PCDHGB5: variants seen among roughly 807,000 people sequenced by gnomAD.
The protein encoded by PCDHGB5 is protocadherin gamma-B5.
A neutral mutation model predicts 62.9 loss-of-function variants in PCDHGB5; 48 were observed. The ratio of observed to expected loss-of-function variants is 0.76; its 90% confidence interval spans 0.61 to 0.97. The LOEUF is 0.97. Among genes scored for constraint, PCDHGB5 ranks in the 50% least tolerant of loss-of-function variants. The probability of loss-of-function intolerance (pLI) is 0.00; values close to 1 mark genes in which losing one functional copy is unlikely to be tolerated. For missense variants in PCDHGB5, 1,118 were observed against 1,198.6 expected (o/e 0.93, Z 0.99); for synonymous variants, 474 against 511.2 (o/e 0.93, Z 0.98).
At position 141,512,630 on chromosome 5, in the gene PCDHGB5, G is replaced by C. The variant is rs1335322474; in HGVS notation, c.*1457G>C. On this transcript the variant is annotated 3_prime_UTR_variant, in exon 4 of 4. Transcript: ENST00000617380. ...GGGGCTGCCAGAGAACCCCAGACCT[G>C]CCCTTACAGTAGTGTAGCGCCCCCT... The C allele has an allele frequency of 6.5e-6, 1 of 152,888 alleles. No individual in the cohort carries two copies. Among genetic ancestry groups the C allele is most frequent in the Non-Finnish European group, 1.5e-5 (1 of 68,576 alleles). 9.5% of individuals were successfully genotyped at this position (152,888 alleles called of 1,614,324 possible).
chr5:141,413,839 G>T (rs971599906), intron 1 of PCDHGB5: 1 of 1,613,310 alleles, frequency 6.2e-7, no homozygotes, highest in African/African-American at 1.3e-5. Flanking sequence ...CTCCGACGGG[G>T]GTGACCCTCT....
chr5:141,474,961 A>G (rs1395755491), intron 1 of PCDHGB5, among the ~76,000 whole-genome samples: 1 of 152,254 alleles, frequency 6.6e-6, no homozygotes, highest in South Asian at 2.1e-4. Flanking sequence ...TCACTATCCT[A>G]ATCATTATAA....
intron 1 of PCDHGB5, chr5:141,415,791 C>CTTT: frequency 1.5e-6 from 2 of 1,341,938 alleles, no homozygotes; most frequent in Non-Finnish European, 1.9e-6. Flanking sequence ...GTAAAATTCA[C>CTTT]CTAGTCTCAA....
chr5:141,430,258 A>T (rs542653323), intron 1 of PCDHGB5, among the ~76,000 whole-genome samples: 1 of 147,968 alleles, frequency 6.8e-6, no homozygotes, highest in Non-Finnish European at 1.5e-5. Flanking sequence ...AGACATCTCC[A>T]TAATAGGTGT....
rs1022516458 is a variant in PCDHGB5, at chr5:141,476,612, A to G, written c.2398-18195A>G. The G allele has an allele frequency of 1.2e-6, 2 of 1,614,236 alleles. No individual in the cohort carries two copies. The highest frequency in any genetic ancestry group is 2.2e-5 in the South Asian group (2 of 91,080). ...GAGCGCGCACGATCCCGATGTGGGA[A>G]GCAACTCTTTACAAACCTATGAGCT... On this transcript the variant is annotated intron_variant, in intron 1 of 3. Transcript: ENST00000617380. The surrounding 1 kb of genome is among the most constrained non-coding windows in gnomAD (Gnocchi z 7.6).
chr5:141,427,703 C>A (rs529490424), intron 1 of PCDHGB5: 2 of 957,514 alleles, frequency 2.1e-6, no homozygotes, highest in African/African-American at 1.6e-5. Flanking sequence ...CACAAGTCAG[C>A]GCCTCTGACC....
At chr5:141,450,006 CTTT>C (rs1554136305) in intron 1 of PCDHGB5, among the ~76,000 whole-genome samples, 9 of 132,974 alleles carry the variant, frequency 6.8e-5, no homozygotes, top group Admixed American at 7.8e-5. Context: ...TGCCATGTCT[CTTT>C]TTTTTTTTTT....
At position 141,400,146 on chromosome 5, in the gene PCDHGB5, C is replaced by A. The variant is rs1444566578; in HGVS notation, c.2019C>A (p.Asp673Glu). ...SLQEVLPDIT[D>E]RPVPSDPQAE... ...AGGAGGTGCTGCCGGATATCACTGACCGCCCTGTACCCTCTGACCCCCAGG... is the reference window on the plus strand; with the variant it reads ...AGGAGGTGCTGCCGGATATCACTGAACGCCCTGTACCCTCTGACCCCCAGG... The change falls in exon 1 of 4, where the codon GAC becomes GAA. Residue 673 changes from aspartate (D) to glutamate (E), a missense_variant. Physicochemically the swap from Asp to Glu is conservative, Grantham distance 45. This residue lies in a region of PCDHGB5 where 1,034 missense variants were observed against 1,029.1 expected (regional missense o/e 1.00). Transcript: ENST00000617380. 1 of 1,614,080 alleles carries A rather than the reference C, an allele frequency of 6.2e-7. No individual in the cohort carries two copies. The highest frequency in any genetic ancestry group is 1.1e-5 in the South Asian group (1 of 91,092).
At position 141,432,778 on chromosome 5, in the gene PCDHGB5, G is replaced by T; in HGVS notation, c.2397+32254G>T. The T allele has an allele frequency of 3.7e-6, 6 of 1,614,166 alleles. No individual in the cohort carries two copies. Among genetic ancestry groups the T allele is most frequent in the Non-Finnish European group, 5.1e-6 (6 of 1,180,002 alleles). ...CCGACAGCATCCCCCAAGTCCTGGCGGACCTCGGCAGCCTCGAGTCTCCAG... is the reference window on the plus strand; with the variant it reads ...CCGACAGCATCCCCCAAGTCCTGGCTGACCTCGGCAGCCTCGAGTCTCCAG... On this transcript the variant is annotated intron_variant, in intron 1 of 3. Transcript: ENST00000617380. The surrounding 1 kb of genome is among the most constrained non-coding windows in gnomAD (Gnocchi z 6.0).
At chr5:141,504,236 C>A (rs1011850372) in intron 2 of PCDHGB5, among the ~76,000 whole-genome samples, 2 of 152,194 alleles carry the variant, frequency 1.3e-5, no homozygotes, top group African/African-American at 4.8e-5. Flanking sequence ...TTCTAAGAAG[C>A]AGAGAGTTCT....
Position 141,427,844 on chromosome 5 carries a change from C to A in PCDHGB5, c.2397+27320C>A, listed in dbSNP as rs997069058. 6.5e-6 allele frequency: 10 copies of A among 1,550,194 alleles called. No homozygotes were observed. In the East Asian group the frequency reaches 2.2e-4, roughly 35 times the overall value. On this transcript the variant is annotated intron_variant, in intron 1 of 3. Transcript: ENST00000617380. ...TGGTCGCGCAGCGTGCCTTCGACCA[C>A]GAGCAGCTGTGCGCCTTCGAGCTCA...
rs1562157859 is a variant in PCDHGB5 at position 141,493,022 on chromosome 5, G to GTGCC, written c.2398-1784_2398-1781dup. Among the ~76,000 whole-genome samples, 2 of 152,222 alleles carry GTGCC rather than the reference G, an allele frequency of 1.3e-5. No homozygotes were observed. Among genetic ancestry groups the GTGCC allele is most frequent in the African/African-American group, 4.8e-5 (2 of 41,454 alleles). ...GCTATAGGCTCTGCCAGATGCCAGG[G>GTGCC]TGCCCTTATGTGTGAGGAAACTACA... On this transcript the variant is annotated intron_variant, in intron 1 of 3. Coordinates refer to ENST00000617380, the MANE Select transcript of PCDHGB5 (RefSeq NM_018925.3). The surrounding 1 kb of genome is among the most constrained non-coding windows in gnomAD (Gnocchi z 4.3).
In PCDHGB5 at chr5:141,431,538, AGCTGCTTGTAGTCAAC is replaced by A; in HGVS notation, c.2397+31018_2397+31033del. 2 of 1,614,114 alleles carry A rather than the reference AGCTGCTTGTAGTCAAC, an allele frequency of 1.2e-6. No homozygotes were observed. Among genetic ancestry groups the A allele is most frequent in the Non-Finnish European group, 1.7e-6 (2 of 1,180,024 alleles). ...CCGGAGAATCTGGCCTTGGGCACGC[AGCTGCTTGTAGTCAAC>A]GCTACCGACCCTGACGAAGGAGTCA... On this transcript the variant is annotated intron_variant, in intron 1 of 3. Coordinates refer to ENST00000617380, the MANE Select transcript of PCDHGB5 (RefSeq NM_018925.3). This position sits in a 1 kb window ranked among gnomAD's most constrained non-coding sequence, Gnocchi z 4.8.
chr5:141,472,564 A>G (rs1471933375), intron 1 of PCDHGB5, among the ~76,000 whole-genome samples: 6 of 152,050 alleles, frequency 3.9e-5, no homozygotes, highest in Admixed American at 2.6e-4. Context: ...TATATTATAA[A>G]TGCTGCATCT....
rs1439726103 is a variant in PCDHGB5 at position 141,400,456 on chromosome 5, T to C, written c.2329T>C (p.Cys777Arg). ...EQLSSGQDILCGDSSGALFPL... is the reference protein window; with the variant it reads ...EQLSSGQDILRGDSSGALFPL... ...ATTGAGTTCAGGACAAGACATACTT[T>C]GTGGTGATTCATCTGGGGCCTTATT... The change falls in exon 1 of 4, where the codon TGT becomes CGT. Residue 777 changes from cysteine to arginine, a missense_variant. Transcript: ENST00000617380. 1.2e-6 allele frequency: 2 copies of C among 1,614,090 alleles called. No homozygotes were observed. Among genetic ancestry groups the C allele is most frequent in the Non-Finnish European group, 1.7e-6 (2 of 1,179,904 alleles).
At chr5:141,415,746 T>G (rs766611858) in intron 1 of PCDHGB5, 17 of 662,556 alleles carry the variant, frequency 2.6e-5, no homozygotes, top group East Asian at 1.1e-4. Context: ...TAAGGTTTTT[T>G]TTTTTTTTTT....
intron 1 of PCDHGB5, chr5:141,408,371 A>C (rs2095092452): frequency 6.2e-7 from 1 of 1,613,848 alleles, no homozygotes; most frequent in Non-Finnish European, 8.5e-7. Flanking sequence ...TCTAGGGCTC[A>C]GTGTCCTGGA....
rs1054012796 is a variant in PCDHGB5 at position 141,420,071 on chromosome 5, G to C, written c.2397+19547G>C. The C allele has an allele frequency of 6.2e-7, 1 of 1,614,050 alleles. No individual in the cohort carries two copies. On this transcript the variant is annotated intron_variant, in intron 1 of 3. Coordinates refer to ENST00000617380, the MANE Select transcript of PCDHGB5 (RefSeq NM_018925.3). ...AGTTCTCTGCTCCAAGTCCGGACCT[G>C]TGGGTCCCCCCAACTACAGTGAGGG...
rs1160956861 is a variant in PCDHGB5, at chr5:141,400,068, GC to G, written c.1943del (p.Pro648ArgfsTer41). 1 of 1,613,706 alleles carries G rather than the reference GC, an allele frequency of 6.2e-7. No homozygotes were observed. The highest frequency in any genetic ancestry group is 1.3e-5 in the African/African-American group (1 of 74,942). On this transcript the variant is annotated frameshift_variant, in exon 1 of 4. Transcript: ENST00000617380. LOFTEE classifies it high-confidence loss of function. ...LLVAVRDGGQ[P>X]PLSATATLHL... ...TGGTTGCTGTGCGTGATGGTGGACA[GC>G]CGCCACTCTCCGCCACCGCCACGCT...
Sources: allele counts gnomAD v4.1 joint callset (sites outside exome capture counted in the v4.1 genomes callset), GRCh38; gene constraint gnomAD v4.1.1; regional missense constraint gnomAD v4.1.1; non-coding constraint Gnocchi (gnomAD v3.1); transcripts MANE v1.5; gene names NCBI Gene and HGNC (gene_info 2026-07-23, HGNC 2026-07-21).